The following CTNNA3 variants were observed in gnomAD, a reference collection of about 807,000 sequenced individuals.
CTNNA3 encodes the protein catenin alpha-3.
A neutral mutation model predicts 95.7 loss-of-function variants in CTNNA3; 76 were observed. The observed-to-expected ratio is 0.79, with a 90% CI of 0.66 to 0.96. The LOEUF (loss-of-function observed/expected upper bound fraction) is 0.96, where lower values mean the gene tolerates loss of function less well. Ranked by LOEUF, CTNNA3 falls within the 40% of genes least tolerant of loss-of-function variation. The pLI is 0.00. For missense variants in CTNNA3, 1,191 were observed against 1,089.8 expected, an observed-to-expected ratio of 1.09 and a Z score of -1.31; for synonymous variants, 431 against 374.4, an observed-to-expected ratio of 1.15 and a Z score of -1.74.
intron 9 of CTNNA3, among the ~76,000 whole-genome samples, chr10:66,690,329 T>A (rs1847472646): frequency 6.6e-6 from 1 of 152,096 alleles, no homozygotes; most frequent in African/African-American, 2.4e-5. Flanking sequence ...TTTTTCTTTT[T>A]TTATTATTAT....
chr10:67,411,817 T>C (rs1845376913), intron 5 of CTNNA3, among the ~76,000 whole-genome samples: 1 of 152,108 alleles, frequency 6.6e-6, no homozygotes, highest in African/African-American at 2.4e-5. Flanking sequence ...GCTCCATATC[T>C]GAGGGATAAC....
At chr10:67,060,035 G>C (rs1855670654) in intron 7 of CTNNA3, among the ~76,000 whole-genome samples, 1 of 152,010 alleles carries the variant, frequency 6.6e-6, no homozygotes, top group Non-Finnish European at 1.5e-5. Context: ...TCTTTTTTAG[G>C]CCAGACACAA....
intron 6 of CTNNA3, among the ~76,000 whole-genome samples, chr10:67,209,238 G>A (rs761009620): frequency 6.6e-6 from 1 of 152,018 alleles, no homozygotes; most frequent in Non-Finnish European, 1.5e-5. Context: ...TAGTAGAGAC[G>A]GGGTTTCACT....
chr10:66,006,583 T>C (rs1165953006), intron 15 of CTNNA3, among the ~76,000 whole-genome samples: 1 of 152,136 alleles, frequency 6.6e-6, no homozygotes, highest in Non-Finnish European at 1.5e-5. Flanking sequence ...AGAGTCCCTC[T>C]TTTTCCTGTT....
chr10:67,031,192 T>C (rs561164501), intron 7 of CTNNA3, among the ~76,000 whole-genome samples: 3 of 152,306 alleles, frequency 2.0e-5, no homozygotes, highest in East Asian at 3.9e-4. Flanking sequence ...CTCTGATTTA[T>C]ATAAATTGAT....
intron 10 of CTNNA3, among the ~76,000 whole-genome samples, chr10:66,619,141 A>C (rs1025890179): frequency 9.9e-5 from 15 of 151,642 alleles, no homozygotes; most frequent in African/African-American, 3.4e-4. Flanking sequence ...ACCATTGTGG[A>C]AGTCAGTGTG....
chr10:66,255,449 T>C (rs2090730565), intron 13 of CTNNA3, among the ~76,000 whole-genome samples: 2 of 152,156 alleles, frequency 1.3e-5, no homozygotes, highest in South Asian at 4.1e-4. Context: ...AGACCCCATA[T>C]GTTCAGGTCT....
intron 7 of CTNNA3, among the ~76,000 whole-genome samples, chr10:66,821,919 A>C (rs1270122315): frequency 1.3e-5 from 2 of 152,186 alleles, no homozygotes; most frequent in African/African-American, 4.8e-5. Context: ...GTTGTGGCTG[A>C]ACAAATAAAT....
chr10:67,051,501 C>T (rs532026371), intron 7 of CTNNA3, among the ~76,000 whole-genome samples: 22 of 150,324 alleles, frequency 1.5e-4, no homozygotes, highest in Admixed American at 6.6e-4. Flanking sequence ...ACCCTGTCAC[C>T]GAGGCTGGAG....
chr10:66,395,518 T>TAA (rs60587308), intron 11 of CTNNA3, among the ~76,000 whole-genome samples: 1 of 151,706 alleles, frequency 6.6e-6, no homozygotes, highest in East Asian at 1.9e-4. Flanking sequence ...CAAAGACTAA[T>TAA]AAAAAAATAC....
chr10:66,639,961 CCT>C (rs148452371), intron 9 of CTNNA3, among the ~76,000 whole-genome samples: 24 of 149,286 alleles, frequency 1.6e-4, no homozygotes, highest in Non-Finnish European at 1.8e-4. Flanking sequence ...GAACTGTGCA[CCT>C]CTCTCTCTCT....
chr10:65,930,515 G>A (rs1197420583), intron 17 of CTNNA3, among the ~76,000 whole-genome samples: 2 of 152,158 alleles, frequency 1.3e-5, no homozygotes, highest in South Asian at 2.1e-4. Context: ...AATGTTCTGA[G>A]AGTAAAAGTA....
At chr10:66,423,179 AC>A (rs2093210784) in intron 11 of CTNNA3, among the ~76,000 whole-genome samples, 1 of 152,056 alleles carries the variant, frequency 6.6e-6, no homozygotes, top group African/African-American at 2.4e-5. Flanking sequence ...AGTTTTAAAA[AC>A]TTTAAAATAC....
At chr10:67,117,173 C>G (rs1859228745) in intron 7 of CTNNA3, among the ~76,000 whole-genome samples, 1 of 151,836 alleles carries the variant, frequency 6.6e-6, no homozygotes, top group South Asian at 2.1e-4. Context: ...GCAATGTCAG[C>G]TCACTTCTTT....
At chr10:66,660,513 A>G (rs1846225719) in intron 9 of CTNNA3, among the ~76,000 whole-genome samples, 1 of 152,184 alleles carries the variant, frequency 6.6e-6, no homozygotes, top group South Asian at 2.1e-4. Flanking sequence ...GCCTTGCAAA[A>G]ATCAGTGACC....
At chr10:67,065,232 T>C (rs961363816) in intron 7 of CTNNA3, among the ~76,000 whole-genome samples, 1 of 152,188 alleles carries the variant, frequency 6.6e-6, no homozygotes, top group Non-Finnish European at 1.5e-5. Flanking sequence ...AATCCCACGT[T>C]GACCATACAC....
chr10:66,071,888 A>G (rs1005766501), intron 14 of CTNNA3, among the ~76,000 whole-genome samples: 4 of 152,198 alleles, frequency 2.6e-5, no homozygotes, highest in Admixed American at 6.5e-5. Context: ...TTATTTTTCA[A>G]TGAAAAGCTG....
chr10:66,079,808 G>A (rs1203132741), intron 14 of CTNNA3, among the ~76,000 whole-genome samples: 1 of 151,836 alleles, frequency 6.6e-6, no homozygotes. Context: ...CACAGTCGTG[G>A]CAAAGAAAAT....
chr10:66,065,240 GT>G (rs1021425556), intron 15 of CTNNA3, among the ~76,000 whole-genome samples: 56 of 98,774 alleles, frequency 5.7e-4, no homozygotes, highest in Middle Eastern at 5.0e-3. Flanking sequence ...GTTTTTTTTT[GT>G]TTTGTTTTGT....
Sources: gnomAD v4.1 joint callset for allele counts (sites outside exome capture counted in the v4.1 genomes callset) on GRCh38, gnomAD v4.1.1 for gene constraint, MANE v1.5 for transcripts, NCBI Gene and HGNC (gene_info 2026-07-23, HGNC 2026-07-21) for gene names.